Variants in MACROD2 observed in about 807,000 individuals in gnomAD.
MACROD2 encodes mono-ADP ribosylhydrolase 2.
In MACROD2, 36 loss-of-function variants were observed where a neutral mutation model predicts 70.4. The ratio of observed to expected loss-of-function variants is 0.51; its 90% CI spans 0.39 to 0.68. The LOEUF is 0.68. Among genes scored for constraint, MACROD2 ranks in the 30% least tolerant of loss-of-function variants. The pLI, the probability that MACROD2 is intolerant of heterozygous loss-of-function variation, is 0.00. For missense variants in MACROD2, 496 were observed against 538.4 expected (o/e 0.92, Z 0.78); for synonymous variants, 172 against 178.8 (o/e 0.96, Z 0.30).
intron 8 of MACROD2, among the ~76,000 whole-genome samples, chr20:15,786,359 G>GA (rs1278782429): frequency 7.2e-5 from 11 of 152,056 alleles, no homozygotes; most frequent in Non-Finnish European, 1.5e-5. Flanking sequence ...GTGTGTGCCA[G>GA]AAAAAATTGA....
chr20:15,103,411 G>A (rs1381012739), intron 5 of MACROD2, among the ~76,000 whole-genome samples: 1 of 152,106 alleles, frequency 6.6e-6, no homozygotes, highest in Non-Finnish European at 1.5e-5. Flanking sequence ...TTGACCAGAT[G>A]TGCCTAATAT....
At chr20:14,669,008 A>T (rs2070766560) in intron 4 of MACROD2, among the ~76,000 whole-genome samples, 1 of 152,198 alleles carries the variant, frequency 6.6e-6, no homozygotes. Flanking sequence ...TAATCAGAAA[A>T]AGATGTCAAA....
intron 6 of MACROD2, among the ~76,000 whole-genome samples, chr20:15,339,654 A>G (rs1420488343): frequency 1.3e-5 from 2 of 151,840 alleles, no homozygotes; most frequent in Non-Finnish European, 2.9e-5. Flanking sequence ...AGTCAAACTC[A>G]TGTTTCCAAG....
chr20:15,091,025 C>T (rs534549902), intron 5 of MACROD2, among the ~76,000 whole-genome samples: 1 of 152,036 alleles, frequency 6.6e-6, no homozygotes, highest in Admixed American at 6.6e-5. Flanking sequence ...TCCCCACCCA[C>T]CTCCCCAACT....
At chr20:14,892,340 T>G (rs2073772394) in intron 5 of MACROD2, among the ~76,000 whole-genome samples, 1 of 151,968 alleles carries the variant, frequency 6.6e-6, no homozygotes, top group African/African-American at 2.4e-5. Context: ...CCGGGCTTGG[T>G]GGTGCACGCC....
chr20:14,442,605 A>G (rs1030332007), intron 3 of MACROD2, among the ~76,000 whole-genome samples: 4 of 152,072 alleles, frequency 2.6e-5, no homozygotes, highest in Admixed American at 2.6e-4. Flanking sequence ...TTAATAATGA[A>G]TGCCAGCTGC....
At chr20:14,058,185 T>C (rs1487153018) in intron 2 of MACROD2, among the ~76,000 whole-genome samples, 1 of 152,168 alleles carries the variant, frequency 6.6e-6, no homozygotes, top group Non-Finnish European at 1.5e-5. Flanking sequence ...ATTTATGATT[T>C]GTGAGTTTTT....
intron 5 of MACROD2, among the ~76,000 whole-genome samples, chr20:15,156,383 T>G (rs1035391911): frequency 5.3e-5 from 8 of 152,222 alleles, no homozygotes; most frequent in African/African-American, 1.9e-4. Context: ...ATCTTAGTAA[T>G]AGAAGCAGTA....
At chr20:15,425,495 G>A (rs2046285424) in intron 6 of MACROD2, among the ~76,000 whole-genome samples, 1 of 152,166 alleles carries the variant, frequency 6.6e-6, no homozygotes, top group Admixed American at 6.5e-5. Context: ...CACTTAAATG[G>A]AAGGTATATC....
intron 5 of MACROD2, among the ~76,000 whole-genome samples, chr20:15,145,135 A>AT (rs2076221230): frequency 6.6e-6 from 1 of 152,168 alleles, no homozygotes; most frequent in African/African-American, 2.4e-5. Context: ...GTGAAGGCTG[A>AT]TGGAGCACAG....
At chr20:14,456,839 C>A (rs1270601907) in intron 3 of MACROD2, among the ~76,000 whole-genome samples, 1 of 150,662 alleles carries the variant, frequency 6.6e-6, no homozygotes, top group Non-Finnish European at 1.5e-5. Context: ...GCCTCAGCCT[C>A]CCGAGTAGCT....
At chr20:15,915,371 T>C (rs758235361) in intron 10 of MACROD2, among the ~76,000 whole-genome samples, 13 of 152,146 alleles carry the variant, frequency 8.5e-5, no homozygotes, top group Non-Finnish European at 1.5e-4. Flanking sequence ...AAGATGCTCT[T>C]ATCACTCAGG....
chr20:14,274,666 G>A (rs1278971430), intron 3 of MACROD2, among the ~76,000 whole-genome samples: 1 of 152,106 alleles, frequency 6.6e-6, no homozygotes, highest in Non-Finnish European at 1.5e-5. Flanking sequence ...GCAGGAGAAG[G>A]AAATAAAGTG....
At chr20:15,569,571 C>T (rs2048350431) in intron 8 of MACROD2, among the ~76,000 whole-genome samples, 1 of 152,206 alleles carries the variant, frequency 6.6e-6, no homozygotes, top group African/African-American at 2.4e-5. Flanking sequence ...TCCCTGGTAA[C>T]CACCATTCTA....
intron 6 of MACROD2, among the ~76,000 whole-genome samples, chr20:15,426,805 G>C (rs758130236): frequency 2.6e-5 from 4 of 152,004 alleles, no homozygotes; most frequent in Non-Finnish European, 4.4e-5. Flanking sequence ...CATGGGTTTT[G>C]GTACAATTTA....
At chr20:14,039,147 T>C (rs986367858) in intron 2 of MACROD2, among the ~76,000 whole-genome samples, 1 of 152,216 alleles carries the variant, frequency 6.6e-6, no homozygotes, top group Non-Finnish European at 1.5e-5. Flanking sequence ...TTAAGTACTT[T>C]AAATTTTCAG....
intron 12 of MACROD2, among the ~76,000 whole-genome samples, chr20:15,957,415 A>C (rs553190080): frequency 9.1e-4 from 138 of 152,306 alleles, no homozygotes; most frequent in African/African-American, 3.3e-3. Flanking sequence ...CTCCTAAATA[A>C]CAAATAGAGG....
At chr20:14,044,557 A>G (rs576412226) in intron 2 of MACROD2, among the ~76,000 whole-genome samples, 2 of 152,100 alleles carry the variant, frequency 1.3e-5, no homozygotes, top group East Asian at 3.9e-4. Context: ...GTCCGTTTTG[A>G]CAGGGTGCTG....
chr20:15,873,929 A>T (rs1210388749), intron 9 of MACROD2, among the ~76,000 whole-genome samples: 1 of 151,844 alleles, frequency 6.6e-6, no homozygotes. Context: ...TTTATTTGTT[A>T]TTATACTTTA....
Sources: allele counts gnomAD v4.1 joint callset (sites outside exome capture counted in the v4.1 genomes callset), GRCh38; gene constraint gnomAD v4.1.1; transcripts MANE v1.5; gene names NCBI Gene and HGNC (gene_info 2026-07-23, HGNC 2026-07-21).